LUC7L: variants seen among roughly 807,000 people sequenced by gnomAD.
The protein encoded by LUC7L is putative RNA-binding protein Luc7-like 1.
In LUC7L, 29 loss-of-function variants were observed where a neutral mutation model predicts 51.1. That is an observed-to-expected ratio of 0.57 (90% CI 0.42 to 0.77). The LOEUF (loss-of-function observed/expected upper bound fraction) is 0.77. LUC7L is among the 30% of genes least tolerant of loss of function. The pLI, the probability that LUC7L is intolerant of heterozygous loss-of-function variation, is 0.00. For missense variants in LUC7L, 403 were observed against 511.9 expected (o/e 0.79, Z 2.05); for synonymous variants, 181 against 180.7 (o/e 1.00, Z -0.01).
At chr16:227,608 A>C in intron 1 of LUC7L, 2 of 1,259,982 alleles carry the variant, frequency 1.6e-6, no homozygotes, top group East Asian at 7.3e-5. Flanking sequence ...ACAGCTGAGC[A>C]CCAAAAGGCC....
At chr16:197,987 G>A (rs1046105494) in intron 6 of LUC7L, among the ~76,000 whole-genome samples, 36 of 152,026 alleles carry the variant, frequency 2.4e-4, no homozygotes, top group Non-Finnish European at 2.9e-4. Context: ...TTTAAATGTC[G>A]GCCGGGTGCG....
At chr16:208,717 G>A in intron 3 of LUC7L, 1 of 758,496 alleles carries the variant, frequency 1.3e-6, no homozygotes, top group Non-Finnish European at 1.6e-6. Flanking sequence ...AATACATTTT[G>A]TTATTGCCTA....
chr16:193,473 G>A (rs1346941498), intron 6 of LUC7L, among the ~76,000 whole-genome samples: 1 of 151,790 alleles, frequency 6.6e-6, no homozygotes, highest in Non-Finnish European at 1.5e-5. Flanking sequence ...ACTTCTTAAT[G>A]AAGAAGATAA....
chr16:207,147 C>G (rs369436124), intron 4 of LUC7L, among the ~76,000 whole-genome samples: 1 of 151,400 alleles, frequency 6.6e-6, no homozygotes, highest in East Asian at 1.9e-4. Context: ...TGCAGTGAGT[C>G]GAGATCACGC....
intron 5 of LUC7L, among the ~76,000 whole-genome samples, chr16:201,581 A>G (rs1029921652): frequency 6.6e-6 from 1 of 151,984 alleles, no homozygotes; most frequent in African/African-American, 2.4e-5. Flanking sequence ...CTGGGACTAC[A>G]AGCGCACGCC....
At chr16:228,420 A>AG (rs1332596638) in intron 1 of LUC7L, 2 of 1,292,440 alleles carry the variant, frequency 1.5e-6, no homozygotes, top group South Asian at 2.5e-5. Context: ...AATAAAATAG[A>AG]GGGGCCACAA....
At chr16:195,298 T>C (rs2049119133) in intron 6 of LUC7L, among the ~76,000 whole-genome samples, 1 of 152,000 alleles carries the variant, frequency 6.6e-6, no homozygotes, top group South Asian at 2.1e-4. Context: ...TGCATGCCTG[T>C]AGTCTCTGCT....
chr16:204,288 GAAA>G, intron 5 of LUC7L, among the ~76,000 whole-genome samples: 1 of 111,800 alleles, frequency 8.9e-6, no homozygotes, highest in Middle Eastern at 4.9e-3. Flanking sequence ...TACTAGAAAT[GAAA>G]AAAAAAAAAA....
intron 7 of LUC7L, among the ~76,000 whole-genome samples, chr16:192,454 C>T (rs1227390858): frequency 2.6e-5 from 4 of 151,634 alleles, no homozygotes; most frequent in African/African-American, 7.3e-5. Flanking sequence ...CACAGTCCTG[C>T]GCTGGGACGT....
chr16:191,552 TA>T (rs2049010310), intron 7 of LUC7L, among the ~76,000 whole-genome samples: 1 of 152,062 alleles, frequency 6.6e-6, no homozygotes, highest in Non-Finnish European at 1.5e-5. Flanking sequence ...CTCCTGCTGG[TA>T]AAACAACAAA....
intron 3 of LUC7L, among the ~76,000 whole-genome samples, chr16:217,856 TG>T (rs1365606176): frequency 6.6e-6 from 1 of 151,608 alleles, no homozygotes; most frequent in Admixed American, 6.6e-5. Flanking sequence ...CTGACCAAAA[TG>T]GTGAAACCTC....
At position 196,989 on chromosome 16, in the gene LUC7L, G is replaced by T. The variant is rs566136046; in HGVS notation, c.687+2073C>A. On this transcript the variant is annotated intron_variant, in intron 6 of 9. Coordinates refer to ENST00000293872, the MANE Select transcript of LUC7L (RefSeq NM_201412.3). The stretch of plus-strand genomic sequence containing the variant: ...GTGGTGCAATTTCGGCTCAGTGCAA[G>T]CTCCGCCTCCCGGGTTGACACCATT... Among the ~76,000 whole-genome samples the T allele has an allele frequency of 4.9e-5, 7 of 143,106 alleles. No individual in the cohort carries two copies. In the South Asian group the frequency reaches 1.6e-3, roughly 32 times the overall value. 93.9% of individuals were successfully genotyped at this position (143,106 alleles called of 152,430 possible). A position where few individuals can be genotyped will look rare whatever the true frequency, so the allele number is the denominator to read the frequency against.
intron 3 of LUC7L, among the ~76,000 whole-genome samples, chr16:219,913 C>T (rs1451749543): frequency 6.6e-6 from 1 of 151,554 alleles, no homozygotes; most frequent in Non-Finnish European, 1.5e-5. Flanking sequence ...AATAACACAA[C>T]TACTGAGTAC....
chr16:196,771 C>T (rs943888912), intron 6 of LUC7L, among the ~76,000 whole-genome samples: 10 of 152,088 alleles, frequency 6.6e-5, no homozygotes, highest in Non-Finnish European at 1.0e-4. Context: ...AAGTGATCCG[C>T]CCTCCTCAGC....
At chr16:203,730 G>C (rs1165579076) in intron 5 of LUC7L, among the ~76,000 whole-genome samples, 2 of 143,184 alleles carry the variant, frequency 1.4e-5, no homozygotes, top group Non-Finnish European at 3.1e-5. Flanking sequence ...GGTGGAGGTG[G>C]GGAGGGCTGG....
At chr16:212,802 G>C (rs991476833) in intron 3 of LUC7L, among the ~76,000 whole-genome samples, 7 of 150,328 alleles carry the variant, frequency 4.7e-5, no homozygotes, top group Non-Finnish European at 1.0e-4. Context: ...TTTCCCGAGA[G>C]GATCTTGCTC....
chr16:221,118 C>T (rs2049953740), intron 2 of LUC7L, among the ~76,000 whole-genome samples: 1 of 150,566 alleles, frequency 6.6e-6, no homozygotes, highest in East Asian at 2.0e-4. Flanking sequence ...CTCCGGGGTT[C>T]AGGCAATTCT....
At chr16:224,059 T>C (rs945678565) in intron 2 of LUC7L, among the ~76,000 whole-genome samples, 5 of 152,130 alleles carry the variant, frequency 3.3e-5, no homozygotes, top group Admixed American at 6.6e-5. Flanking sequence ...GAAAAATGAA[T>C]GGCAGCTATC....
intron 9 of LUC7L, 158 bp downstream of exon 9, chr16:189,810 G>A (rs928313577): frequency 4.9e-6 from 7 of 1,433,516 alleles, no homozygotes; most frequent in African/African-American, 2.9e-5. Context: ...CAGCCCTCTC[G>A]CCTCTTCCCA....
Sources: allele counts gnomAD v4.1 joint callset (sites outside exome capture counted in the v4.1 genomes callset), GRCh38; gene constraint gnomAD v4.1.1; transcripts MANE v1.5; gene names NCBI Gene and HGNC (gene_info 2026-07-23, HGNC 2026-07-21).